Variants in DNHD1 observed in about 807,000 individuals in gnomAD.
DNHD1 encodes the protein dynein heavy chain domain 1, also known as dynein heavy chain domain-containing protein 1.
In DNHD1, 383 loss-of-function variants were observed where a neutral mutation model predicts 458.1. That is an observed-to-expected ratio of 0.84 (90% confidence interval 0.77 to 0.91). The LOEUF (loss-of-function observed/expected upper bound fraction) is 0.91, where lower values mean the gene tolerates loss of function less well. Among genes scored for constraint, DNHD1 ranks in the 40% least tolerant of loss-of-function variants. DNHD1 has a pLI of 0.00. For missense variants in DNHD1, 5,336 were observed against 5,866.1 expected (o/e 0.91, Z 2.95); for synonymous variants, 2,203 against 2,376.9 (o/e 0.93, Z 2.13).
In DNHD1 at chr11:6,571,955, G is replaced by A. The variant is rs753328952; in HGVS notation, c.14231G>A (p.Arg4744Lys). The A allele has an allele frequency of 1.8e-5, 29 of 1,611,890 alleles. 1 individual carries two copies. The highest frequency in any genetic ancestry group is 1.2e-4 in the Admixed American group (7 of 59,968). The change falls in exon 43 of 43, where the codon AGG becomes AAG. Residue 4744 changes from arginine to lysine, a missense_variant. Physicochemically the swap from Arg to Lys is conservative, Grantham distance 26 (BLOSUM62 2). Transcript: ENST00000254579. The surrounding 1 kb of genome is among the most constrained non-coding windows in gnomAD (Gnocchi z 5.0). ...ACCCCCAACACCTGTGTCCAAAGGAGGGTCCATGTGTGCAGCCCACCCCTG... is the reference window on the plus strand; with the variant it reads ...ACCCCCAACACCTGTGTCCAAAGGAAGGTCCATGTGTGCAGCCCACCCCTG... ...KLTPNTCVQR[R>K]VHVCSPPLS
chr11:6,536,821 T>C (rs1399460100), intron 14 of DNHD1, among the ~76,000 whole-genome samples: 1 of 152,250 alleles, frequency 6.6e-6, no homozygotes, highest in African/African-American at 2.4e-5. Flanking sequence ...GATGAAGTTG[T>C]TTATTTGTCT....
intron 20 of DNHD1, 24 bp from the exon 21 acceptor site, chr11:6,544,768 C>T (rs765134955): frequency 3.2e-6 from 5 of 1,547,356 alleles, no homozygotes; most frequent in Non-Finnish European, 4.4e-6. Flanking sequence ...TTGGCCCTCA[C>T]TTTTATCCTC....
intron 14 of DNHD1, among the ~76,000 whole-genome samples, chr11:6,536,758 T>C (rs1275691728): frequency 1.3e-5 from 2 of 152,246 alleles, no homozygotes; most frequent in Admixed American, 1.3e-4. Context: ...TAATCCCCAG[T>C]TTGTCTTTAT....
chr11:6,563,451 C>A lies in DNHD1; in HGVS notation c.9739C>A (p.Arg3247=). The A allele has an allele frequency of 6.4e-7, 1 of 1,551,684 alleles. No individual in the cohort carries two copies. The change falls in exon 30 of 43, where the codon CGA becomes AGA. Residue 3247 remains arginine (R), a synonymous_variant. Coordinates refer to ENST00000254579, the MANE Select transcript of DNHD1 (RefSeq NM_144666.3). The part of the protein sequence containing the change: ...VADFEEIRSY[R]APPESVVRVT... ...TGACTTTGAGGAGATACGGAGCTATCGAGCACCACCAGAATCTGTGGTCCG... is the reference window on the plus strand; with the variant it reads ...TGACTTTGAGGAGATACGGAGCTATAGAGCACCACCAGAATCTGTGGTCCG...
chr11:6,562,459 T>G (rs1158360610), intron 28 of DNHD1, among the ~76,000 whole-genome samples: 1 of 151,610 alleles, frequency 6.6e-6, no homozygotes, highest in Non-Finnish European at 1.5e-5. Context: ...GGAACGTAAG[T>G]AGGAATCAAA....
intron 13 of DNHD1, 47 bp from the exon 14 acceptor site, chr11:6,533,634 G>A (rs552671669): frequency 1.3e-6 from 2 of 1,509,954 alleles, no homozygotes; most frequent in South Asian, 1.3e-5. Flanking sequence ...GACCAAAGAG[G>A]TACATGGGGT....
At position 6,498,761 on chromosome 11, in the gene DNHD1, C is replaced by T; in HGVS notation, c.546C>T (p.Ala182=). Residue 182 remains alanine (A), a synonymous_variant, in exon 3 of 43, where the codon GCC becomes GCT. Coordinates refer to ENST00000254579, the MANE Select transcript of DNHD1 (RefSeq NM_144666.3). Reference sequence around the variant, plus strand: ...GGCAGCAAGTAAAGGAGGAGCTGGCCACCTGGCTGCGACCATTGACACTGC... The same window carrying T: ...GGCAGCAAGTAAAGGAGGAGCTGGCTACCTGGCTGCGACCATTGACACTGC... The part of the protein sequence containing the change: ...WSRQQVKEEL[A]TWLRPLTLPE... 1.9e-6 allele frequency: 3 copies of T among 1,614,144 alleles called. No homozygotes were observed. The highest frequency in any genetic ancestry group is 2.5e-6 in the Non-Finnish European group (3 of 1,180,004).
At position 6,546,576 on chromosome 11, in the gene DNHD1, G is replaced by GA; in HGVS notation, c.5638dup (p.Ile1880AsnfsTer28). The GA allele has an allele frequency of 1.3e-6, 2 of 1,551,844 alleles. No individual in the cohort carries two copies. Among genetic ancestry groups the GA allele is most frequent in the Non-Finnish European group, 1.7e-6 (2 of 1,147,026 alleles). On this transcript the variant is annotated frameshift_variant, in exon 21 of 43. Transcript: ENST00000254579. LOFTEE classifies it high-confidence loss of function. ...CCTGCCGCCTGCCACTGCTCAAGCA[G>GA]ATACTGGAAGACACAATACGGACAC...
chr11:6,518,501 C>A (rs570492586), intron 7 of DNHD1, among the ~76,000 whole-genome samples: 5 of 152,186 alleles, frequency 3.3e-5, no homozygotes, highest in South Asian at 4.1e-4. Context: ...ACTCAGTAGG[C>A]TCTTTCAATG....
At chr11:6,565,366 A>G (rs773197292) in intron 32 of DNHD1, among the ~76,000 whole-genome samples, 1 of 152,232 alleles carries the variant, frequency 6.6e-6, no homozygotes, top group African/African-American at 2.4e-5. Flanking sequence ...AAGAGAGGCT[A>G]TGTGAAGACA....
At position 6,544,581 on chromosome 11, in the gene DNHD1, G is replaced by C. The variant is rs1471235245; in HGVS notation, c.3762G>C (p.Leu1254=). Reference sequence around the variant, plus strand: ...CTCTGGCTGCTTACACAGGTGCCCTGCTGGAGGTGTGGCTGACTTTCCAGC... The same window carrying C: ...CTCTGGCTGCTTACACAGGTGCCCTCCTGGAGGTGTGGCTGACTTTCCAGC... ...WVAIMHGLGA[L]LEVWLTFQQK... Residue 1254 remains leucine, a synonymous_variant, in exon 20 of 43, where the codon CTG becomes CTC. Transcript: ENST00000254579. 4 of 1,551,274 alleles carry C rather than the reference G, an allele frequency of 2.6e-6. No homozygotes were observed. The African/African-American group carries it at 5.5e-5, about 21-fold the overall frequency.
rs1853741727 is a variant in DNHD1, at chr11:6,567,749, A to G, written c.12240A>G (p.Lys4080=). The change falls in exon 36 of 43, where the codon AAA becomes AAG. Residue 4080 remains lysine (K), a synonymous_variant. Coordinates refer to ENST00000254579, the MANE Select transcript of DNHD1 (RefSeq NM_144666.3). ...ENTYAPTMPF[K]HSQATQPMLI... ...CGTATGCTCCCACCATGCCCTTTAAACATAGTCAGGCTACTCAGCCCATGC... is the reference window on the plus strand; with the variant it reads ...CGTATGCTCCCACCATGCCCTTTAAGCATAGTCAGGCTACTCAGCCCATGC... 6.2e-7 allele frequency: 1 copy of G among 1,613,738 alleles called. No homozygotes were observed. Among genetic ancestry groups the G allele is most frequent in the South Asian group, 1.1e-5 (1 of 91,084 alleles).
intron 39 of DNHD1, 124 bp downstream of exon 39, chr11:6,568,990 G>A: frequency 8.6e-7 from 1 of 1,167,976 alleles, no homozygotes; most frequent in Non-Finnish European, 1.2e-6. Context: ...GCAAGGGGAA[G>A]TCAAGGAAGG....
chr11:6,537,278 AG>A (rs1303943099), intron 14 of DNHD1, among the ~76,000 whole-genome samples: 1 of 152,206 alleles, frequency 6.6e-6, no homozygotes. Context: ...TAAACATGAC[AG>A]GTCCTCTATG....
chr11:6,563,861 T>C lies in DNHD1; in HGVS notation c.10021T>C (p.Cys3341Arg). Residue 3341 changes from cysteine (C) to arginine (R), a missense_variant, in exon 31 of 43, where the codon TGC becomes CGC. Around this residue, in one of 4 missense-constraint regions of DNHD1, gnomAD observed 3,932 missense variants for 4,365.6 expected, o/e 0.90. Coordinates refer to ENST00000254579, the MANE Select transcript of DNHD1 (RefSeq NM_144666.3). The stretch of plus-strand genomic sequence containing the variant: ...TGTTCTGCACTATGGGCTGGCGCAT[T>C]GCCGGGGACTGCCCACGGACCTGCT... ...WAVLHYGLAH[C>R]RGLPTDLLLQ... 1 of 1,551,694 alleles carries C rather than the reference T, an allele frequency of 6.4e-7. No homozygotes were observed. The highest frequency in any genetic ancestry group is 8.7e-7 in the Non-Finnish European group (1 of 1,146,998).
intron 10 of DNHD1, among the ~76,000 whole-genome samples, chr11:6,523,514 A>G (rs1242386073): frequency 6.6e-6 from 1 of 152,160 alleles, no homozygotes; most frequent in Non-Finnish European, 1.5e-5. Context: ...TCACTCATTC[A>G]AGGAAACCTA....
chr11:6,522,617 A>T (rs1852626915), intron 10 of DNHD1, among the ~76,000 whole-genome samples: 1 of 152,218 alleles, frequency 6.6e-6, no homozygotes, highest in Non-Finnish European at 1.5e-5. Context: ...AATCTAAAAT[A>T]AAAGTTTAAA....
intron 9 of DNHD1, 57 bp from the exon 10 acceptor site, chr11:6,520,181 G>C: frequency 6.2e-7 from 1 of 1,603,466 alleles, no homozygotes; most frequent in Non-Finnish European, 8.5e-7. Flanking sequence ...TCACAACCTG[G>C]TTTGAATCCC....
Position 6,563,011 on chromosome 11 carries a change from G to C in DNHD1, c.9549G>C (p.Glu3183Asp). The C allele has an allele frequency of 6.4e-7, 1 of 1,551,704 alleles. No homozygotes were observed. Among genetic ancestry groups the C allele is most frequent in the South Asian group, 1.2e-5 (1 of 84,062 alleles). Reference protein sequence around the residue: ...KSLSMFQQQLEQSKLLYKQQL... With the variant: ...KSLSMFQQQLDQSKLLYKQQL... Reference sequence around the variant, plus strand: ...TCAGCATGTTTCAGCAGCAGCTAGAGCAAAGCAAGCTCCTATACAAGCAGC... The same window carrying C: ...TCAGCATGTTTCAGCAGCAGCTAGACCAAAGCAAGCTCCTATACAAGCAGC... The change falls in exon 29 of 43, where the codon GAG becomes GAC. Residue 3183 changes from glutamate (E) to aspartate (D), a missense_variant. Glu to Asp is a conservative substitution (Grantham distance 45). Coordinates refer to ENST00000254579, the MANE Select transcript of DNHD1 (RefSeq NM_144666.3).
Sources: gnomAD v4.1 joint callset for allele counts (sites outside exome capture counted in the v4.1 genomes callset) on GRCh38, gnomAD v4.1.1 for gene constraint, gnomAD v4.1.1 regional missense constraint, Gnocchi (gnomAD v3.1) non-coding constraint, MANE v1.5 for transcripts, NCBI Gene and HGNC (gene_info 2026-07-23, HGNC 2026-07-21) for gene names.